Variants in LSAMP observed in about 807,000 individuals in gnomAD.
LSAMP encodes the protein limbic system associated membrane protein.
A neutral mutation model predicts 38.6 loss-of-function variants in LSAMP; 7 were observed. The observed-to-expected ratio is 0.18, with a 90% CI of 0.10 to 0.34. The LOEUF is 0.34. LSAMP is among the 10% of genes least tolerant of loss of function. The probability of loss-of-function intolerance (pLI) is 1.00; values close to 1 mark genes in which losing one functional copy is unlikely to be tolerated. For synonymous variants in LSAMP, 154 were observed against 166.8 expected (o/e 0.92, Z 0.59); for missense variants, 313 against 420.0 (o/e 0.75, Z 2.23).
intron 1 of LSAMP, among the ~76,000 whole-genome samples, chr3:116,350,507 T>C (rs543191303): frequency 6.6e-6 from 1 of 152,244 alleles, no homozygotes; most frequent in Non-Finnish European, 1.5e-5. Flanking sequence ...AATCTTGTTC[T>C]GTCCTGCCTG....
intron 3 of LSAMP, among the ~76,000 whole-genome samples, chr3:115,928,856 A>G (rs1299219610): frequency 2.0e-5 from 3 of 151,316 alleles, no homozygotes; most frequent in Non-Finnish European, 4.4e-5. Context: ...ATGTTAAGGT[A>G]TTTTCATTTG....
intron 1 of LSAMP, among the ~76,000 whole-genome samples, chr3:116,280,455 T>C (rs2047113936): frequency 6.6e-6 from 1 of 152,216 alleles, no homozygotes; most frequent in African/African-American, 2.4e-5. Flanking sequence ...TCAATTGATA[T>C]GCACCACATT....
At chr3:116,308,216 C>T (rs1267327744) in intron 1 of LSAMP, among the ~76,000 whole-genome samples, 1 of 151,948 alleles carries the variant, frequency 6.6e-6, no homozygotes, top group Non-Finnish European at 1.5e-5. Context: ...GAAGCTTTTG[C>T]TCAGGACAAG....
intron 1 of LSAMP, among the ~76,000 whole-genome samples, chr3:116,112,755 G>A (rs1252409145): frequency 6.6e-6 from 1 of 152,142 alleles, no homozygotes; most frequent in African/African-American, 2.4e-5. Flanking sequence ...ATAAAATTAG[G>A]TGAATTAACT....
chr3:116,032,969 T>C (rs1231788541), intron 2 of LSAMP, among the ~76,000 whole-genome samples: 1 of 152,152 alleles, frequency 6.6e-6, no homozygotes, highest in African/African-American at 2.4e-5. Context: ...ATGCCACTGA[T>C]TGCGTAGAAG....
At chr3:116,350,389 T>G (rs2048121870) in intron 1 of LSAMP, among the ~76,000 whole-genome samples, 1 of 152,094 alleles carries the variant, frequency 6.6e-6, no homozygotes, top group African/African-American at 2.4e-5. Context: ...ATGATTTCTG[T>G]TACTCTCAGC....
chr3:116,250,398 G>A (rs1403631319), intron 1 of LSAMP, among the ~76,000 whole-genome samples: 2 of 152,114 alleles, frequency 1.3e-5, no homozygotes, highest in Admixed American at 6.5e-5. Flanking sequence ...TCATTAAAGA[G>A]TTGCCTCCTT....
At chr3:116,142,085 TTA>T (rs2107516399) in intron 1 of LSAMP, among the ~76,000 whole-genome samples, 1 of 152,060 alleles carries the variant, frequency 6.6e-6, no homozygotes, top group East Asian at 1.9e-4. Flanking sequence ...GGTGAATTGG[TTA>T]TGACTAAATT....
intron 1 of LSAMP, among the ~76,000 whole-genome samples, chr3:116,325,725 T>C (rs2047761492): frequency 6.6e-6 from 1 of 152,184 alleles, no homozygotes. Context: ...GTTTTAGGGT[T>C]TAAGTAACAT....
At chr3:115,957,094 A>C (rs563763317) in intron 3 of LSAMP, among the ~76,000 whole-genome samples, 7 of 152,348 alleles carry the variant, frequency 4.6e-5, no homozygotes, top group African/African-American at 1.7e-4. Context: ...CTCTTTGTGA[A>C]TATCTTATGA....
chr3:116,171,846 C>A (rs1710208205), intron 1 of LSAMP, among the ~76,000 whole-genome samples: 1 of 151,984 alleles, frequency 6.6e-6, no homozygotes, highest in African/African-American at 2.4e-5. Context: ...TTATCTCTAT[C>A]TCTTTGGAGT....
intron 1 of LSAMP, among the ~76,000 whole-genome samples, chr3:116,122,792 T>C (rs567761048): frequency 3.3e-5 from 5 of 152,304 alleles, no homozygotes; most frequent in African/African-American, 1.2e-4. Context: ...CTCGATTCTC[T>C]CCCTCTGTTC....
At chr3:116,217,314 A>G (rs1015174478) in intron 1 of LSAMP, among the ~76,000 whole-genome samples, 1 of 152,186 alleles carries the variant, frequency 6.6e-6, no homozygotes, top group African/African-American at 2.4e-5. Context: ...AACTAAAGAA[A>G]CTGAAGACAC....
intron 1 of LSAMP, among the ~76,000 whole-genome samples, chr3:116,249,782 T>C (rs2046655948): frequency 6.6e-6 from 1 of 152,094 alleles, no homozygotes; most frequent in African/African-American, 2.4e-5. Flanking sequence ...CCCCATTAGA[T>C]CATACTTAGC....
intron 1 of LSAMP, among the ~76,000 whole-genome samples, chr3:116,251,012 C>T (rs1044799896): frequency 1.3e-5 from 2 of 152,180 alleles, no homozygotes; most frequent in African/African-American, 4.8e-5. Flanking sequence ...AGCTGGAATC[C>T]ACTGAAGGGA....
chr3:116,416,821 C>A (rs2049057585), intron 1 of LSAMP, among the ~76,000 whole-genome samples: 1 of 151,914 alleles, frequency 6.6e-6, no homozygotes, highest in Non-Finnish European at 1.5e-5. Context: ...TTTTTTAAAC[C>A]TCTTTGTGTC....
intron 3 of LSAMP, among the ~76,000 whole-genome samples, chr3:115,916,357 G>T (rs372666664): frequency 6.6e-6 from 1 of 152,126 alleles, no homozygotes; most frequent in Non-Finnish European, 1.5e-5. Context: ...CATATGAAAC[G>T]TACAATAAGC....
intron 1 of LSAMP, among the ~76,000 whole-genome samples, chr3:116,202,533 C>G (rs543625559): frequency 7.4e-4 from 113 of 152,174 alleles, no homozygotes; most frequent in African/African-American, 2.6e-3. Flanking sequence ...CAGCCTCTAC[C>G]ACCCAGGCTC....
intron 1 of LSAMP, among the ~76,000 whole-genome samples, chr3:116,413,911 A>AAC (rs970162469): frequency 6.6e-6 from 1 of 151,502 alleles, no homozygotes; most frequent in Non-Finnish European, 1.5e-5. Context: ...ACAAAAAAAA[A>AAC]AACAAACCAA....
Sources: gnomAD v4.1 joint callset for allele counts (sites outside exome capture counted in the v4.1 genomes callset) on GRCh38, gnomAD v4.1.1 for gene constraint, MANE v1.5 for transcripts, NCBI Gene and HGNC (gene_info 2026-07-23, HGNC 2026-07-21) for gene names.